The following RSRP1 variants were observed in gnomAD, a reference collection of about 807,000 sequenced individuals.
RSRP1 encodes the protein arginine and serine rich protein 1.
A neutral mutation model predicts 33.0 loss-of-function variants in RSRP1; 37 were observed. That is an observed-to-expected ratio of 1.12 (90% confidence interval 0.86 to 1.48). The LOEUF (loss-of-function observed/expected upper bound fraction) is 1.48. Ranked by LOEUF, RSRP1 falls within the 40% of genes most tolerant of loss-of-function variation. RSRP1 has a pLI of 0.00. For synonymous variants in RSRP1, 167 were observed against 158.7 expected, an observed-to-expected ratio of 1.05 and a Z score of -0.40; for missense variants, 402 against 385.3, an observed-to-expected ratio of 1.04 and a Z score of -0.36.
intron 1 of RSRP1, among the ~76,000 whole-genome samples, chr1:25,264,564 A>G (rs1233035789): frequency 6.6e-6 from 1 of 151,208 alleles, no homozygotes; most frequent in Non-Finnish European, 1.5e-5. Flanking sequence ...CCTGGCCAAC[A>G]AAACCATTTT....
chr1:25,319,948 G>T (rs1644607151), intron 1 of RSRP1, among the ~76,000 whole-genome samples: 1 of 131,034 alleles, frequency 7.6e-6, no homozygotes, highest in Non-Finnish European at 1.8e-5. Flanking sequence ...GCCCAGGCTG[G>T]AGTGCAATGG....
intron 1 of RSRP1, among the ~76,000 whole-genome samples, chr1:25,260,665 T>C (rs1640103942): frequency 6.6e-6 from 1 of 152,240 alleles, no homozygotes; most frequent in Non-Finnish European, 1.5e-5. Context: ...CTTATAGTTC[T>C]GGAGGCTGGA....
At position 25,287,897 on chromosome 1, in the gene RSRP1, A is replaced by G. The variant is rs77816088; in HGVS notation, c.-66-40868T>C. On this transcript the variant is annotated intron_variant, in intron 1 of 1. Transcript: ENST00000561867. ...GCTACCATGCCCTGCTAATTTTTGT[A>G]TTTTTAGTAGACAAGGGGTTTCACC... Among the ~76,000 whole-genome samples, 282 of 125,424 alleles carry G rather than the reference A, an allele frequency of 2.2e-3. 32 individuals are homozygous for G. In the East Asian group the frequency reaches 0.043, roughly 19 times the overall value. 82.3% of individuals were successfully genotyped at this position (125,424 alleles called of 152,430 possible).
Position 25,312,771 on chromosome 1 carries a change from T to G in RSRP1, c.-67+25207A>C, listed in dbSNP as rs1229934534. ...TCTCTACAAATAAAATTAAATAAAC[T>G]TAGCTGGATATGGTGGCACACATCT... is the stretch of plus-strand genomic sequence containing the variant. On this transcript the variant is annotated intron_variant, in intron 1 of 1. Coordinates refer to the RSRP1 transcript ENST00000561867. 3.4e-5 allele frequency among the ~76,000 whole-genome samples: 4 copies of G among 116,780 alleles called. No individual in the cohort carries two copies. The East Asian group carries it at 8.1e-4, about 24-fold the overall frequency. 76.6% of individuals were successfully genotyped at this position (116,780 alleles called of 152,430 possible). A position where few individuals can be genotyped will look rare whatever the true frequency, so the allele number is the denominator to read the frequency against.
At chr1:25,330,770 T>G (rs1018351747) in intron 1 of RSRP1, among the ~76,000 whole-genome samples, 2 of 130,144 alleles carry the variant, frequency 1.5e-5, no homozygotes, top group African/African-American at 5.2e-5. Context: ...CTTAAACTGT[T>G]GTTTAGCCAC....
intron 1 of RSRP1, among the ~76,000 whole-genome samples, chr1:25,262,391 G>A (rs1640185513): frequency 6.6e-6 from 1 of 152,152 alleles, no homozygotes; most frequent in South Asian, 2.1e-4. Flanking sequence ...GGAAGAAACA[G>A]AAAACAAACA....
intron 1 of RSRP1, chr1:25,300,998 G>C (rs1210081817): frequency 7.3e-7 from 1 of 1,375,740 alleles, no homozygotes; most frequent in South Asian, 1.2e-5. Flanking sequence ...GCCTATTTTG[G>C]GCTGTCTGTG....
chr1:25,248,159 A>G (rs868833319), upstream of RSRP1: 23 of 152,346 alleles, frequency 1.5e-4, no homozygotes, highest in African/African-American at 4.8e-4. Flanking sequence ...AGACAAAATA[A>G]AAAGACTCAA....
chr1:25,338,252 T>G (rs547220993), upstream of RSRP1: 1 of 152,332 alleles, frequency 6.6e-6, no homozygotes, highest in African/African-American at 2.4e-5. Context: ...GACGCGTTGT[T>G]GTGGTGGGCG....
intron 1 of RSRP1, among the ~76,000 whole-genome samples, chr1:25,291,152 A>C (rs778283113): frequency 8.0e-6 from 1 of 125,746 alleles, no homozygotes; most frequent in Non-Finnish European, 1.8e-5. Context: ...GGATAGACAG[A>C]TAGATAGATA....
In RSRP1 at chr1:25,331,837, T is replaced by G. The variant is rs1343462668; in HGVS notation, c.-67+6141A>C. On this transcript the variant is annotated intron_variant, in intron 1 of 1. Transcript: ENST00000561867. ...TCACTGCAAGCTCCGCCTCCCGGGT[T>G]CACGCCATTCTCCTGCCTCAGCCTC... 1.4e-4 allele frequency among the ~76,000 whole-genome samples: 17 copies of G among 122,906 alleles called. 2 individuals carry two copies. The highest frequency in any genetic ancestry group is 4.3e-3 in the Middle Eastern group (1 of 232). The allele number at this position is 122,906 out of a possible 152,430, so 80.6% of individuals were successfully genotyped here.
In RSRP1 at chr1:25,293,634, T is replaced by C. The variant is rs1005938624; in HGVS notation, c.-67+44344A>G. Among the ~76,000 whole-genome samples, 18 of 131,752 alleles carry C rather than the reference T, an allele frequency of 1.4e-4. 5 individuals are homozygous for C. The South Asian group carries it at 2.6e-3, about 19-fold the overall frequency. 86.4% of individuals were successfully genotyped at this position (131,752 alleles called of 152,430 possible). On this transcript the variant is annotated intron_variant, in intron 1 of 1. Coordinates refer to the RSRP1 transcript ENST00000561867. The stretch of plus-strand genomic sequence containing the variant: ...TCCTAGGATTTAGAAATTTATAATA[T>C]GAGATAGCAGCATTTCCTAATTTTA...
Position 25,282,460 on chromosome 1 carries a change from G to C in RSRP1, c.-66-35431C>G, listed in dbSNP as rs548324941. 2.5e-4 allele frequency among the ~76,000 whole-genome samples: 33 copies of C among 131,408 alleles called. 2 individuals carry two copies. The East Asian group carries it at 5.7e-3, about 23-fold the overall frequency. 86.2% of individuals were successfully genotyped at this position (131,408 alleles called of 152,430 possible). ...ATGTTGGCCAGGCTAGTCTCGAACT[G>C]CTGACTTCATGATCTGCCCACCTCA... On this transcript the variant is annotated intron_variant, in intron 1 of 1. Coordinates refer to the RSRP1 transcript ENST00000561867.
intron 1 of RSRP1, among the ~76,000 whole-genome samples, chr1:25,298,166 C>T (rs1643100576): frequency 8.8e-6 from 1 of 113,098 alleles, no homozygotes; most frequent in South Asian, 3.1e-4. Flanking sequence ...GGTCATTTTT[C>T]CACTCTGGTC....
rs1332198360 is a variant in RSRP1, at chr1:25,307,962, C to T, written c.-67+30016G>A. ...TTTCCTGTCTCTGGGCCTGAGAGTT[C>T]CCCTCTGAAAGATGAGGACTTGACC... On this transcript the variant is annotated intron_variant, in intron 1 of 1. Coordinates refer to the RSRP1 transcript ENST00000561867. 17 of 719,570 alleles carry T rather than the reference C, an allele frequency of 2.4e-5. 3 individuals are homozygous for T. The African/African-American group carries it at 3.1e-4, about 13-fold the overall frequency. The allele number at this position is 719,570 out of a possible 1,614,324, so 44.6% of individuals were successfully genotyped here.
Position 25,304,923 on chromosome 1 carries a change from C to T in RSRP1, c.-67+33055G>A, listed in dbSNP as rs1333122639. On this transcript the variant is annotated intron_variant, in intron 1 of 1. Transcript: ENST00000561867. ...TGAGCTTGTTTCCTTGACTTCATCA[C>T]TGGCAGGACTATTCAAAAATGATTC... The T allele has an allele frequency of 1.5e-5, 2 of 132,174 alleles. 1 individual carries two copies. Among genetic ancestry groups the T allele is most frequent in the Non-Finnish European group, 3.6e-5 (2 of 55,922 alleles). 8.2% of individuals were successfully genotyped at this position (132,174 alleles called of 1,614,324 possible).
At chr1:25,247,209 C>T in intron 1 of RSRP1, 100 bp downstream of exon 1, 1 of 453,908 alleles carries the variant, frequency 2.2e-6, no homozygotes, top group Non-Finnish European at 3.9e-6. Context: ...TGAAGCGAAA[C>T]GCTGCGTTCC....
In RSRP1 at chr1:25,307,750, A is replaced by T. The variant is rs556304613; in HGVS notation, c.-67+30228T>A. 90 of 1,307,268 alleles carry T rather than the reference A, an allele frequency of 6.9e-5. 18 individuals carry two copies. The Middle Eastern group carries it at 1.3e-3, about 19-fold the overall frequency. The allele number at this position is 1,307,268 out of a possible 1,614,324, so 81.0% of individuals were successfully genotyped here. On this transcript the variant is annotated intron_variant, in intron 1 of 1. Transcript: ENST00000561867. ...AAATCATGGAGGCGCTGCGGTTCCT[A>T]CCGGTTCTTGGATGCCTTCTACAGA...
chr1:25,337,581 TG>T (rs1033893471), intron 1 of RSRP1: 7 of 143,936 alleles, frequency 4.9e-5, no homozygotes, highest in African/African-American at 1.8e-4. Flanking sequence ...AGGGGATATT[TG>T]GCAAAGTCTG....
Sources: allele counts gnomAD v4.1 joint callset (sites outside exome capture counted in the v4.1 genomes callset), GRCh38; gene constraint gnomAD v4.1.1; transcripts MANE v1.5; gene names NCBI Gene and HGNC (gene_info 2026-07-23, HGNC 2026-07-21).